Variants in OR2T33 observed in about 807,000 individuals in gnomAD.
OR2T33 encodes olfactory receptor family 2 subfamily T member 33.
In OR2T33, 10 loss-of-function variants were observed where a neutral mutation model predicts 14.0. That is an observed-to-expected ratio of 0.72 (90% CI 0.44 to 1.22). The LOEUF is 1.22. Ranked by LOEUF, OR2T33 falls within the 50% of genes most tolerant of loss-of-function variation. OR2T33 has a pLI of 0.00. For synonymous variants in OR2T33, 103 were observed against 159.4 expected, an observed-to-expected ratio of 0.65 and a Z score of 2.66; for missense variants, 276 against 405.9, an observed-to-expected ratio of 0.68 and a Z score of 2.75.
chr1:248,275,143 C>A (rs1034179381), intron 1 of OR2T33, among the ~76,000 whole-genome samples: 21 of 152,170 alleles, frequency 1.4e-4, no homozygotes, highest in Non-Finnish European at 2.6e-4. Context: ...TTTTAGACCT[C>A]ATCTCATACA....
intron 1 of OR2T33, among the ~76,000 whole-genome samples, chr1:248,276,415 T>A (rs80311734): frequency 0.018 from 2,757 of 152,302 alleles, 70 homozygotes; most frequent in African/African-American, 0.063. Flanking sequence ...TTAGTTCATT[T>A]TATGGTGCCA....
chr1:248,275,291 C>T (rs1206800455), intron 1 of OR2T33, among the ~76,000 whole-genome samples: 1 of 152,186 alleles, frequency 6.6e-6, no homozygotes, highest in Non-Finnish European at 1.5e-5. Flanking sequence ...CTTATTTAAG[C>T]ATTGGCTATC....
In OR2T33 at chr1:248,270,736, A is replaced by G. The variant is rs1436610252; in HGVS notation, c.*2116T>C. 5 of 152,170 alleles carry G rather than the reference A, an allele frequency of 3.3e-5. No homozygotes were observed. The highest frequency in any genetic ancestry group is 3.3e-4 in the Admixed American group (5 of 15,268). The allele number at this position is 152,170 out of a possible 1,614,324, so 9.4% of individuals were successfully genotyped here. A position where few individuals can be genotyped will look rare whatever the true frequency, so the allele number is the denominator to read the frequency against. On this transcript the variant is annotated 3_prime_UTR_variant, in exon 2 of 2. Transcript: ENST00000641220. ...CATTCTTGAAGTATATAATTTTTAT[A>G]GAGATAATACATAAGAAACACCCAC... is the stretch of plus-strand genomic sequence containing the variant.
intron 1 of OR2T33, among the ~76,000 whole-genome samples, chr1:248,274,034 C>G (rs1362910130): frequency 6.6e-6 from 1 of 152,056 alleles, no homozygotes; most frequent in Non-Finnish European, 1.5e-5. Flanking sequence ...AGATCGTGTA[C>G]TACAAACAGG....
Position 248,271,685 on chromosome 1 carries a change from T to C in OR2T33, c.*1167A>G, listed in dbSNP as rs1659374283. 6.6e-6 allele frequency: 1 copy of C among 152,208 alleles called. No homozygotes were observed. The highest frequency in any genetic ancestry group is 1.5e-5 in the Non-Finnish European group (1 of 68,030). 9.4% of individuals were successfully genotyped at this position (152,208 alleles called of 1,614,324 possible). ...TGGCAGGTTAACTTTCAGACACTTA[T>C]ATTGAAGATACACTGTCCCTGGAAG... On this transcript the variant is annotated 3_prime_UTR_variant, in exon 2 of 2. Transcript: ENST00000641220.
rs759249646 is a variant in OR2T33 at position 248,273,115 on chromosome 1, T to G, written c.700A>C (p.Lys234Gln). The G allele has an allele frequency of 1.2e-6, 2 of 1,611,638 alleles. No individual in the cohort carries two copies. The highest frequency in any genetic ancestry group is 1.7e-6 in the Non-Finnish European group (2 of 1,179,772). Residue 234 changes from lysine (K) to glutamine (Q), a missense_variant, in exon 2 of 2, where the codon AAG (lysine) becomes CAG (glutamine). Coordinates refer to ENST00000641220, the MANE Select transcript of OR2T33 (RefSeq NM_001004695.2). ...LHMRSTEARK[K>Q]AFATCSSHVA... ...TGTGAAGAGCAGGTGGCAAAGGCCT[T>G]CTTGCGGGCTTCTGTAGAGCGCATG...
chr1:248,271,178 G>A lies in OR2T33; in HGVS notation c.*1674C>T, dbSNP rs1659365958. ...TATATTAGGCTTAATTTTCTGGTTA[G>A]AATATTTTATCCTTACAAAATTTTA... On this transcript the variant is annotated 3_prime_UTR_variant, in exon 2 of 2. Transcript: ENST00000641220. The A allele has an allele frequency of 6.6e-6, 1 of 152,108 alleles. No homozygotes were observed. The highest frequency in any genetic ancestry group is 1.5e-5 in the Non-Finnish European group (1 of 67,992). The allele number at this position is 152,108 out of a possible 1,614,324, so 9.4% of individuals were successfully genotyped here.
Position 248,273,309 on chromosome 1 carries a change from G to A in OR2T33, c.506C>T (p.Ala169Val), listed in dbSNP as rs10888338. The A allele has an allele frequency of 0.78, 1,049,666 of 1,346,376 alleles. 428,819 individuals carry two copies. Among genetic ancestry groups the A allele is most frequent in the South Asian group, 0.88 (74,126 of 84,334 alleles). The allele number at this position is 1,346,376 out of a possible 1,614,324, so 83.4% of individuals were successfully genotyped here. A position where few individuals can be genotyped will look rare whatever the true frequency, so the allele number is the denominator to read the frequency against. ...GCAGAAGAAGTGATCGATCTCGTGT[G>A]CACCACAATATGGGAAGCTCAGGGT... ...VVTLSFPYCG[A>V]HEIDHFFCET... is the part of the protein sequence containing the mutation. Residue 169 changes from alanine to valine, a missense_variant, in exon 2 of 2, where the codon GCA (alanine) becomes GTA (valine). By Grantham distance (64) the Ala-to-Val change is moderately conservative. Coordinates refer to ENST00000641220, the MANE Select transcript of OR2T33 (RefSeq NM_001004695.2).
Position 248,272,908 on chromosome 1 carries a change from G to A in OR2T33, c.907C>T (p.Leu303=), listed in dbSNP as rs752978469. The change falls in exon 2 of 2, where the codon CTG becomes TTG. Residue 303 remains leucine, a synonymous_variant. Coordinates refer to ENST00000641220, the MANE Select transcript of OR2T33 (RefSeq NM_001004695.2). ...SEVKGALKRW[L]GTCVNIKHQQ... ...TGTTTTATGTTTACACACGTCCCCA[G>A]CCACCGTTTCAGGGCTCCCTTCACC... 1.2e-6 allele frequency: 2 copies of A among 1,614,052 alleles called. No homozygotes were observed. Among genetic ancestry groups the A allele is most frequent in the East Asian group, 4.5e-5 (2 of 44,878 alleles).
Position 248,273,153 on chromosome 1 carries a change from G to C in OR2T33, c.662C>G (p.Ala221Gly). Residue 221 changes from alanine to glycine, a missense_variant, in exon 2 of 2, where the codon GCT becomes GGT. By Grantham distance (60) the Ala-to-Gly change is moderately conservative. Coordinates refer to ENST00000641220, the MANE Select transcript of OR2T33 (RefSeq NM_001004695.2). ...TGTAGAGCGCATGTGCAGAACAGCA[G>C]CGAGGATGAGACCATAGGAGGACAG... is the stretch of plus-strand genomic sequence containing the variant. ...LILSSYGLIL[A>G]AVLHMRSTEA... is the part of the protein sequence containing the mutation. 6.2e-7 allele frequency: 1 copy of C among 1,610,870 alleles called. No individual in the cohort carries two copies. The highest frequency in any genetic ancestry group is 8.5e-7 in the Non-Finnish European group (1 of 1,179,234).
intron 1 of OR2T33, among the ~76,000 whole-genome samples, chr1:248,274,670 G>A (rs1572822452): frequency 1.3e-5 from 2 of 152,198 alleles, no homozygotes; most frequent in Non-Finnish European, 2.9e-5. Context: ...AATGCTGGGG[G>A]AGAGTAGTAG....
rs142674290 is a variant in OR2T33, at chr1:248,273,327, C to A, written c.488G>T (p.Ser163Ile). 102 of 1,611,702 alleles carry A rather than the reference C, an allele frequency of 6.3e-5. No homozygotes were observed. In the African/African-American group the frequency reaches 1.2e-3, roughly 19 times the overall value. The change falls in exon 2 of 2, where the codon AGC becomes ATC. Residue 163 changes from serine (S) to isoleucine (I), a missense_variant. Coordinates refer to ENST00000641220, the MANE Select transcript of OR2T33 (RefSeq NM_001004695.2). ...DGLLQAVVTL[S>I]FPYCGAHEID... ...CTCGTGTGCACCACAATATGGGAAG[C>A]TCAGGGTAACAACAGCCTGCAGGAG...
chr1:248,276,886 G>T (rs149318163), intron 1 of OR2T33, among the ~76,000 whole-genome samples: 226 of 151,824 alleles, frequency 1.5e-3, no homozygotes, highest in African/African-American at 5.0e-3. Flanking sequence ...TTGAATAAAG[G>T]ATTTTTTGGC....
In OR2T33 at chr1:248,272,633, A is replaced by G. The variant is rs1659386474; in HGVS notation, c.*219T>C. The G allele has an allele frequency of 1.8e-6, 1 of 569,342 alleles. No individual in the cohort carries two copies. Among genetic ancestry groups the G allele is most frequent in the Non-Finnish European group, 3.0e-6 (1 of 336,272 alleles). The allele number at this position is 569,342 out of a possible 1,614,324, so 35.3% of individuals were successfully genotyped here. On this transcript the variant is annotated 3_prime_UTR_variant, in exon 2 of 2. Transcript: ENST00000641220. The stretch of plus-strand genomic sequence containing the variant: ...AGTACTTATATCATGGGGTTGTTGT[A>G]GGATACAAAGTAATCCATAGATACT...
In OR2T33 at chr1:248,271,680, A is replaced by T. The variant is rs746872994; in HGVS notation, c.*1172T>A. 2.0e-5 allele frequency: 3 copies of T among 152,224 alleles called. No individual in the cohort carries two copies. The highest frequency in any genetic ancestry group is 7.2e-5 in the African/African-American group (3 of 41,466). The allele number at this position is 152,224 out of a possible 1,614,324, so 9.4% of individuals were successfully genotyped here. On this transcript the variant is annotated 3_prime_UTR_variant, in exon 2 of 2. Transcript: ENST00000641220. ...AGAAATGGCAGGTTAACTTTCAGACACTTATATTGAAGATACACTGTCCCT... is the reference window on the plus strand; with the variant it reads ...AGAAATGGCAGGTTAACTTTCAGACTCTTATATTGAAGATACACTGTCCCT...
Position 248,270,281 on chromosome 1 carries a change from A to G in OR2T33, c.*2571T>C, listed in dbSNP as rs1467686470. On this transcript the variant is annotated 3_prime_UTR_variant, in exon 2 of 2. Transcript: ENST00000641220. ...CCGGGGCCTGTTGTGGGGTGGGGGA[A>G]GCGGGGAGGGATAGCACTAGGAGAT... 6.6e-6 allele frequency: 1 copy of G among 152,120 alleles called. No homozygotes were observed. Among genetic ancestry groups the G allele is most frequent in the African/African-American group, 2.4e-5 (1 of 41,432 alleles). 9.4% of individuals were successfully genotyped at this position (152,120 alleles called of 1,614,324 possible).
In OR2T33 at chr1:248,270,334, A is replaced by G. The variant is rs890884967; in HGVS notation, c.*2518T>C. 1.3e-5 allele frequency: 2 copies of G among 152,276 alleles called. No homozygotes were observed. Among genetic ancestry groups the G allele is most frequent in the African/African-American group, 2.4e-5 (1 of 41,564 alleles). 9.4% of individuals were successfully genotyped at this position (152,276 alleles called of 1,614,324 possible). A position where few individuals can be genotyped will look rare whatever the true frequency, so the allele number is the denominator to read the frequency against. On this transcript the variant is annotated 3_prime_UTR_variant, in exon 2 of 2. Coordinates refer to ENST00000641220, the MANE Select transcript of OR2T33 (RefSeq NM_001004695.2). Reference sequence around the variant, plus strand: ...ACCTAATGTAAATGATGAGTTAATGAGTGCAGCACACCAACATGACACATG... The same window carrying G: ...ACCTAATGTAAATGATGAGTTAATGGGTGCAGCACACCAACATGACACATG...
chr1:248,272,222 A>T lies in OR2T33; in HGVS notation c.*630T>A, dbSNP rs925453836. On this transcript the variant is annotated 3_prime_UTR_variant, in exon 2 of 2. Transcript: ENST00000641220. ...TTACAATGAGGCCCTGGAAAAAAAAATACTTAAATGAAAGGTTACATAAAT... is the reference window on the plus strand; with the variant it reads ...TTACAATGAGGCCCTGGAAAAAAAATTACTTAAATGAAAGGTTACATAAAT... 1.1e-4 allele frequency: 16 copies of T among 152,194 alleles called. No homozygotes were observed. The highest frequency in any genetic ancestry group is 1.3e-4 in the Admixed American group (2 of 15,270). 9.4% of individuals were successfully genotyped at this position (152,194 alleles called of 1,614,324 possible). A position where few individuals can be genotyped will look rare whatever the true frequency, so the allele number is the denominator to read the frequency against.
rs776043190 is a variant in OR2T33 at position 248,273,735 on chromosome 1, A to G, written c.80T>C (p.Met27Thr). The G allele has an allele frequency of 5.0e-6, 8 of 1,613,910 alleles. No homozygotes were observed. Among genetic ancestry groups the G allele is most frequent in the Middle Eastern group, 1.7e-4 (1 of 6,052 alleles). ...NHTRAHQVLF[M>T]MVLSIVLTSL... ...GGTCAAAACGATACTCAGAACCATC[A>G]TGAAGAGGACTTGGTGGGCTCTGGT... Residue 27 changes from methionine (M) to threonine (T), a missense_variant, in exon 2 of 2, where the codon ATG becomes ACG. Coordinates refer to ENST00000641220, the MANE Select transcript of OR2T33 (RefSeq NM_001004695.2).
Sources: allele counts gnomAD v4.1 joint callset (sites outside exome capture counted in the v4.1 genomes callset), GRCh38; gene constraint gnomAD v4.1.1; transcripts MANE v1.5; gene names NCBI Gene and HGNC (gene_info 2026-07-23, HGNC 2026-07-21).